The following MAP3K1 variants were observed in gnomAD, a reference collection of about 807,000 sequenced individuals.
MAP3K1 encodes MAP/ERK kinase kinase 1.
Under a neutral mutation model 144.2 loss-of-function variants are expected in MAP3K1, and 36 were observed. That is an observed-to-expected ratio of 0.25 (90% CI 0.19 to 0.33). The LOEUF (loss-of-function observed/expected upper bound fraction) is 0.33. Among genes scored for constraint, MAP3K1 ranks in the 10% least tolerant of loss-of-function variants. MAP3K1 has a pLI of 1.00. For missense variants in MAP3K1, 1,650 were observed against 1,881.9 expected, an observed-to-expected ratio of 0.88 and a Z score of 2.28; for synonymous variants, 718 against 688.7, an observed-to-expected ratio of 1.04 and a Z score of -0.67.
intron 1 of MAP3K1, among the ~76,000 whole-genome samples, chr5:56,820,124 C>T (rs1395186240): frequency 3.3e-5 from 5 of 151,944 alleles, no homozygotes. Flanking sequence ...CTTTTGCCTT[C>T]TGTGTGTGTG....
In MAP3K1 at chr5:56,872,916, A is replaced by G; in HGVS notation, c.1597A>G (p.Arg533Gly). Residue 533 changes from arginine to glycine, a missense_variant, in exon 9 of 20, where the codon AGG becomes GGG. Physicochemically the swap from Arg to Gly is moderately radical, Grantham distance 125 (BLOSUM62 -2). Coordinates refer to ENST00000399503, the MANE Select transcript of MAP3K1 (RefSeq NM_005921.2). ...GCAGCAGCCTTTGGCTGGATCACGA[A>G]GGAATCAAGAGAGCAATTTTAACCT... ...VQQQPLAGSR[R>G]NQESNFNLTH... 1 of 1,614,152 alleles carries G rather than the reference A, an allele frequency of 6.2e-7. No homozygotes were observed. Among genetic ancestry groups the G allele is most frequent in the South Asian group, 1.1e-5 (1 of 91,078 alleles).
intron 1 of MAP3K1, 26 bp downstream of exon 1, chr5:56,816,081 C>T (rs1033645182): frequency 4.1e-6 from 5 of 1,206,770 alleles, no homozygotes; most frequent in Admixed American, 8.8e-5. Context: ...GGGGTCGCGG[C>T]GGGGACTTGG....
intron 16 of MAP3K1, among the ~76,000 whole-genome samples, chr5:56,885,281 T>C (rs529547196): frequency 3.0e-3 from 451 of 152,358 alleles, no homozygotes; most frequent in African/African-American, 0.01. Flanking sequence ...TTTTGTATTA[T>C]ACAATGTATA....
intron 1 of MAP3K1, among the ~76,000 whole-genome samples, chr5:56,835,973 A>G (rs1746641187): frequency 6.6e-6 from 1 of 152,286 alleles, no homozygotes; most frequent in South Asian, 2.1e-4. Context: ...CAAAACATTC[A>G]CTCATCAAAT....
rs1162277110 is a variant in MAP3K1 at position 56,872,742 on chromosome 5, A to G, written c.1505+20A>G. ...CTACAGGTAATAATTTTGAAATGAT[A>G]CGGATATGTTTAATTTTTAAAAATT... On this transcript the variant is annotated intron_variant, in intron 8 of 19. Coordinates refer to ENST00000399503, the MANE Select transcript of MAP3K1 (RefSeq NM_005921.2). 1 of 1,593,072 alleles carries G rather than the reference A, an allele frequency of 6.3e-7. No individual in the cohort carries two copies. Among genetic ancestry groups the G allele is most frequent in the East Asian group, 2.2e-5 (1 of 44,732 alleles).
At chr5:56,879,315 A>T (rs1322959211) in intron 11 of MAP3K1, among the ~76,000 whole-genome samples, 1 of 152,224 alleles carries the variant, frequency 6.6e-6, no homozygotes, top group Non-Finnish European at 1.5e-5. Flanking sequence ...AACAAACTGC[A>T]TGGATCTCCA....
intron 17 of MAP3K1, 68 bp from the exon 18 acceptor site, chr5:56,887,310 T>C: frequency 1.4e-6 from 2 of 1,453,850 alleles, no homozygotes; most frequent in Non-Finnish European, 9.6e-7. Context: ...ATTAGTATTG[T>C]ACTGGGCTTT....
At chr5:56,879,792 AAC>A (rs1561197923) in intron 11 of MAP3K1, among the ~76,000 whole-genome samples, 2 of 152,210 alleles carry the variant, frequency 1.3e-5, no homozygotes, top group African/African-American at 2.4e-5. Flanking sequence ...AGCTACTGTG[AAC>A]AGTTATTTGG....
At chr5:56,881,306 C>T (rs759099252) in intron 13 of MAP3K1, 34 bp downstream of exon 13, 1 of 1,549,194 alleles carries the variant, frequency 6.5e-7, no homozygotes, top group Non-Finnish European at 8.9e-7. Flanking sequence ...TTACTTGTAT[C>T]TTCCTACCCT....
At chr5:56,865,239 CTTTAGTA>C (rs1747641334) in intron 4 of MAP3K1, 94 bp from the exon 5 acceptor site, 1 of 759,888 alleles carries the variant, frequency 1.3e-6, no homozygotes, top group South Asian at 1.6e-5. Flanking sequence ...TTAATAGAAA[CTTTAGTA>C]TAAAAAGTTG....
chr5:56,855,319 C>T (rs1747308454), intron 1 of MAP3K1, among the ~76,000 whole-genome samples: 2 of 152,042 alleles, frequency 1.3e-5, no homozygotes, highest in Admixed American at 6.6e-5. Flanking sequence ...TTTTGAAAGT[C>T]TCATATTGCT....
chr5:56,879,064 G>C lies in MAP3K1; in HGVS notation c.2050G>C (p.Val684Leu), dbSNP rs2111932547. 6.2e-7 allele frequency: 1 copy of C among 1,613,942 alleles called. No homozygotes were observed. The highest frequency in any genetic ancestry group is 1.1e-5 in the South Asian group (1 of 91,086). Residue 684 changes from valine to leucine, a missense_variant, in exon 11 of 20, where the codon GTA (valine) becomes CTA (leucine). By Grantham distance (32) the Val-to-Leu change is conservative. Transcript: ENST00000399503. Reference sequence around the variant, plus strand: ...ACTTCAGAGACTTCTCCAGCCAGTTGTAGACACCATCCTAGTCAAATGTGC... The same window carrying C: ...ACTTCAGAGACTTCTCCAGCCAGTTCTAGACACCATCCTAGTCAAATGTGC... The part of the protein sequence containing the change: ...IKLQRLLQPV[V>L]DTILVKCADA...
chr5:56,833,892 T>C (rs1043296145), intron 1 of MAP3K1, among the ~76,000 whole-genome samples: 2 of 152,138 alleles, frequency 1.3e-5, no homozygotes, highest in African/African-American at 4.8e-5. Flanking sequence ...TGAAATAAGT[T>C]AACGAATGCC....
intron 1 of MAP3K1, among the ~76,000 whole-genome samples, chr5:56,822,448 T>C (rs1746181884): frequency 1.3e-5 from 2 of 152,240 alleles, no homozygotes; most frequent in Admixed American, 1.3e-4. Flanking sequence ...GGAGCCATGC[T>C]CAAACTGTCA....
chr5:56,846,091 A>G (rs1433874030), intron 1 of MAP3K1, among the ~76,000 whole-genome samples: 1 of 152,186 alleles, frequency 6.6e-6, no homozygotes, highest in African/African-American at 2.4e-5. Flanking sequence ...TTTACAATTC[A>G]TTTGTTTTGT....
At position 56,895,897 on chromosome 5, in the gene MAP3K1, C is replaced by T. The variant is rs1748687766; in HGVS notation, c.*2217C>T. The T allele has an allele frequency of 4.4e-6, 1 of 225,250 alleles. No individual in the cohort carries two copies. The highest frequency in any genetic ancestry group is 6.3e-5 in the East Asian group (1 of 15,960). 14.0% of individuals were successfully genotyped at this position (225,250 alleles called of 1,614,324 possible). On this transcript the variant is annotated 3_prime_UTR_variant, in exon 20 of 20. Transcript: ENST00000399503. ...CACTTTCACAATGAAATTATATTTG[C>T]TGTGTGACTATGATTCCTAAGATTT...
intron 19 of MAP3K1, among the ~76,000 whole-genome samples, chr5:56,892,147 G>A (rs1258505760): frequency 2.0e-5 from 3 of 152,104 alleles, no homozygotes; most frequent in Admixed American, 6.5e-5. Context: ...TCACGATATC[G>A]ATTCTTCCTA....
chr5:56,873,052 C>G (rs773765448), intron 9 of MAP3K1, 47 bp downstream of exon 9: 2 of 1,523,824 alleles, frequency 1.3e-6, no homozygotes, highest in Non-Finnish European at 1.8e-6. Flanking sequence ...ATTTATAGAT[C>G]AATTAATGTA....
chr5:56,845,347 A>G (rs1746956540), intron 1 of MAP3K1, among the ~76,000 whole-genome samples: 1 of 152,212 alleles, frequency 6.6e-6, no homozygotes, highest in African/African-American at 2.4e-5. Context: ...CCTTCATGTA[A>G]CACTGACTTG....
Sources: gnomAD v4.1 joint callset for allele counts (sites outside exome capture counted in the v4.1 genomes callset) on GRCh38, gnomAD v4.1.1 for gene constraint, MANE v1.5 for transcripts, NCBI Gene and HGNC (gene_info 2026-07-23, HGNC 2026-07-21) for gene names.